ZRANB3: variants seen among roughly 807,000 people sequenced by gnomAD.
ZRANB3 encodes DNA annealing helicase and endonuclease ZRANB3.
ZRANB3 carries 125 observed loss-of-function variants against 133.8 expected under a neutral mutation model. The observed-to-expected ratio is 0.93, with a 90% CI of 0.81 to 1.08. ZRANB3 has a LOEUF of 1.08. Ranked by LOEUF, ZRANB3 falls within the 50% of genes least tolerant of loss-of-function variation. The probability of loss-of-function intolerance (pLI) is 0.00; values close to 1 mark genes in which losing one functional copy is unlikely to be tolerated. For missense variants in ZRANB3, 1,229 were observed against 1,275.5 expected (o/e 0.96, Z 0.56); for synonymous variants, 387 against 432.7 (o/e 0.89, Z 1.31).
chr2:135,286,895 CT>C (rs1220133027), intron 8 of ZRANB3, among the ~76,000 whole-genome samples: 2 of 152,162 alleles, frequency 1.3e-5, no homozygotes, highest in Non-Finnish European at 2.9e-5. Context: ...CTGACTGCTC[CT>C]TTTGCTGTGC....
intron 2 of ZRANB3, among the ~76,000 whole-genome samples, chr2:135,494,512 G>A (rs962363559): frequency 6.6e-6 from 1 of 152,132 alleles, no homozygotes; most frequent in Non-Finnish European, 1.5e-5. Flanking sequence ...AAATCCAAGA[G>A]AGGGAAAATC....
chr2:135,524,277 T>G (rs1164900592), intron 1 of ZRANB3, among the ~76,000 whole-genome samples: 1 of 152,148 alleles, frequency 6.6e-6, no homozygotes, highest in Non-Finnish European at 1.5e-5. Context: ...AGACGGGGTT[T>G]CACCATTTTA....
chr2:135,410,866 A>T (rs1483737021), intron 2 of ZRANB3, among the ~76,000 whole-genome samples: 2 of 152,198 alleles, frequency 1.3e-5, no homozygotes, highest in African/African-American at 4.8e-5. Flanking sequence ...AATGCTCAAC[A>T]TCACTATCAT....
chr2:135,415,419 T>C (rs1688520005), intron 2 of ZRANB3, among the ~76,000 whole-genome samples: 1 of 152,158 alleles, frequency 6.6e-6, no homozygotes, highest in Non-Finnish European at 1.5e-5. Flanking sequence ...AGAAGTTGAA[T>C]CTCTGAACAG....
At chr2:135,513,156 T>C (rs1375896408) in intron 1 of ZRANB3, among the ~76,000 whole-genome samples, 1 of 152,092 alleles carries the variant, frequency 6.6e-6, no homozygotes, top group Non-Finnish European at 1.5e-5. Context: ...TAAAATGGGC[T>C]TATTTCAGGA....
intron 1 of ZRANB3, among the ~76,000 whole-genome samples, chr2:135,520,082 CTTT>C (rs60682356): frequency 0.024 from 3,387 of 143,640 alleles, 139 homozygotes; most frequent in African/African-American, 0.082. Context: ...CACTTAAATT[CTTT>C]TTTTTTTTTT....
chr2:135,458,457 A>C (rs529975781), intron 2 of ZRANB3, among the ~76,000 whole-genome samples: 1 of 152,210 alleles, frequency 6.6e-6, no homozygotes, highest in South Asian at 2.1e-4. Context: ...ATATCAGTTG[A>C]TTTTAGACAT....
At chr2:135,530,891 G>A (rs902306691) in intron 1 of ZRANB3, among the ~76,000 whole-genome samples, 5 of 152,134 alleles carry the variant, frequency 3.3e-5, no homozygotes, top group Non-Finnish European at 7.4e-5. Flanking sequence ...TTATGAGTAG[G>A]GGAAAAGCAT....
intron 3 of ZRANB3, among the ~76,000 whole-genome samples, chr2:135,377,058 G>A (rs1686460721): frequency 6.6e-6 from 1 of 152,210 alleles, no homozygotes; most frequent in Non-Finnish European, 1.5e-5. Context: ...CTTTCCCATG[G>A]AGGTACAGGT....
At chr2:135,423,671 G>C (rs1574082259) in intron 2 of ZRANB3, among the ~76,000 whole-genome samples, 1 of 152,332 alleles carries the variant, frequency 6.6e-6, no homozygotes, top group East Asian at 1.9e-4. Flanking sequence ...AGTCACAGTG[G>C]AGGGTAGGGG....
intron 9 of ZRANB3, among the ~76,000 whole-genome samples, chr2:135,272,414 CTT>C (rs112209442): frequency 0.015 from 1,639 of 107,722 alleles, 190 homozygotes; most frequent in African/African-American, 0.069. Context: ...GAAAATAGAG[CTT>C]TTTTTTTTTT....
chr2:135,528,031 T>C (rs1485376431), intron 1 of ZRANB3, among the ~76,000 whole-genome samples: 21 of 152,110 alleles, frequency 1.4e-4, no homozygotes, highest in Admixed American at 1.4e-3. Context: ...GAAGGATTAA[T>C]AAAAATTTGA....
intron 2 of ZRANB3, among the ~76,000 whole-genome samples, chr2:135,470,318 T>C (rs903814669): frequency 3.5e-4 from 53 of 150,158 alleles, no homozygotes; most frequent in Middle Eastern, 3.3e-3. Flanking sequence ...AGTGAGACTC[T>C]GTCTCAAAAA....
At chr2:135,383,968 G>A (rs1002315726) in intron 3 of ZRANB3, among the ~76,000 whole-genome samples, 3 of 152,136 alleles carry the variant, frequency 2.0e-5, no homozygotes, top group Non-Finnish European at 4.4e-5. Flanking sequence ...TCAAAAGCTA[G>A]CAGAAGGCAA....
At chr2:135,284,872 T>G (rs1310430135) in intron 8 of ZRANB3, among the ~76,000 whole-genome samples, 1 of 150,638 alleles carries the variant, frequency 6.6e-6, no homozygotes, top group Non-Finnish European at 1.5e-5. Flanking sequence ...TGAGACAGAG[T>G]TTTGCTCTTG....
At chr2:135,488,002 G>T (rs987706407) in intron 2 of ZRANB3, among the ~76,000 whole-genome samples, 4 of 152,122 alleles carry the variant, frequency 2.6e-5, no homozygotes, top group African/African-American at 9.7e-5. Context: ...ATCATTTCTA[G>T]CTTTTGATTT....
At chr2:135,398,829 C>G (rs1687615244) in intron 2 of ZRANB3, among the ~76,000 whole-genome samples, 2 of 152,116 alleles carry the variant, frequency 1.3e-5, no homozygotes, top group South Asian at 4.1e-4. Context: ...AGCATTTTGT[C>G]ACTTTTTTTA....
At chr2:135,388,603 G>A (rs1687084774) in intron 3 of ZRANB3, among the ~76,000 whole-genome samples, 1 of 152,056 alleles carries the variant, frequency 6.6e-6, no homozygotes, top group African/African-American at 2.4e-5. Flanking sequence ...ATACATATAT[G>A]ACATATATGT....
At position 135,312,177 on chromosome 2, in the gene ZRANB3, A is replaced by AT. The variant is rs1166594494; in HGVS notation, c.966+1311dup. Among the ~76,000 whole-genome samples, 145 of 135,786 alleles carry AT rather than the reference A, an allele frequency of 1.1e-3. 3 individuals are homozygous for AT. The East Asian group carries it at 0.012, about 11-fold the overall frequency. The allele number at this position is 135,786 out of a possible 152,430, so 89.1% of individuals were successfully genotyped here. A position where few individuals can be genotyped will look rare whatever the true frequency, so the allele number is the denominator to read the frequency against. On this transcript the variant is annotated intron_variant, in intron 8 of 20. Coordinates refer to ENST00000264159, the MANE Select transcript of ZRANB3 (RefSeq NM_032143.4). The stretch of plus-strand genomic sequence containing the variant: ...TTTTATTTTTATTTTATTTTATTTT[A>AT]TTTTATTTTATTTTTATTTTATTTT...
Sources: allele counts gnomAD v4.1 joint callset (sites outside exome capture counted in the v4.1 genomes callset), GRCh38; gene constraint gnomAD v4.1.1; transcripts MANE v1.5; gene names NCBI Gene and HGNC (gene_info 2026-07-23, HGNC 2026-07-21).